Variants in KIF3C observed in about 807,000 individuals in gnomAD.
KIF3C encodes the protein kinesin-like protein KIF3C.
Under a neutral mutation model 67.7 loss-of-function variants are expected in KIF3C, and 12 were observed. The ratio of observed to expected loss-of-function variants is 0.18; its 90% CI spans 0.11 to 0.29. The LOEUF (loss-of-function observed/expected upper bound fraction) is 0.29. Ranked by LOEUF, KIF3C falls within the 10% of genes least tolerant of loss-of-function variation. The probability of loss-of-function intolerance (pLI) is 1.00; values close to 1 mark genes in which losing one functional copy is unlikely to be tolerated. For synonymous variants in KIF3C, 393 were observed against 426.2 expected, an observed-to-expected ratio of 0.92 and a Z score of 0.96; for missense variants, 789 against 1,059.6, an observed-to-expected ratio of 0.74 and a Z score of 3.55.
At chr2:25,934,062 G>C in intron 5 of KIF3C, 1 of 463,420 alleles carries the variant, frequency 2.2e-6, no homozygotes, top group Non-Finnish European at 4.5e-6. Context: ...ACTGATGAGT[G>C]TTCCAACATG....
At chr2:25,935,581 T>C (rs909180442) in intron 5 of KIF3C, among the ~76,000 whole-genome samples, 7 of 152,084 alleles carry the variant, frequency 4.6e-5, no homozygotes, top group Non-Finnish European at 1.0e-4. Context: ...AGGCTGGTTT[T>C]GAACTCCTTG....
At chr2:25,945,609 T>G (rs1663411885) in intron 5 of KIF3C, among the ~76,000 whole-genome samples, 1 of 148,782 alleles carries the variant, frequency 6.7e-6, no homozygotes, top group Non-Finnish European at 1.5e-5. Flanking sequence ...TAAGGCCAGT[T>G]GCATGCAGTG....
chr2:25,939,524 G>A (rs1437786662), intron 5 of KIF3C, among the ~76,000 whole-genome samples: 1 of 152,152 alleles, frequency 6.6e-6, no homozygotes, highest in Admixed American at 6.5e-5. Flanking sequence ...AATTCTCACA[G>A]GTCTGTGAAG....
At chr2:25,953,568 G>C (rs1017832978) in intron 4 of KIF3C, among the ~76,000 whole-genome samples, 1 of 151,648 alleles carries the variant, frequency 6.6e-6, no homozygotes, top group East Asian at 2.0e-4. Context: ...CTCCGTGTTA[G>C]CCAGGATAGT....
chr2:25,946,549 G>C (rs1377518060), intron 5 of KIF3C, among the ~76,000 whole-genome samples: 1 of 152,018 alleles, frequency 6.6e-6, no homozygotes, highest in Admixed American at 6.6e-5. Flanking sequence ...TTAGCTGGGC[G>C]TGGAGGCACA....
At chr2:25,953,647 AC>A (rs1330889282) in intron 4 of KIF3C, among the ~76,000 whole-genome samples, 1 of 147,856 alleles carries the variant, frequency 6.8e-6, no homozygotes, top group African/African-American at 2.5e-5. Context: ...GGCATGAGCC[AC>A]TGCGCCCGGC....
At chr2:25,965,724 A>G (rs1177489577) in intron 1 of KIF3C, among the ~76,000 whole-genome samples, 1 of 151,884 alleles carries the variant, frequency 6.6e-6, no homozygotes, top group Admixed American at 6.6e-5. Flanking sequence ...TACCAAGCAG[A>G]GGACATGAGA....
At chr2:25,966,427 A>T (rs979233180) in intron 1 of KIF3C, among the ~76,000 whole-genome samples, 1 of 152,134 alleles carries the variant, frequency 6.6e-6, no homozygotes, top group Admixed American at 6.5e-5. Context: ...TCTTATATTG[A>T]CTATGTGCTT....
rs1664626196 is a variant in KIF3C, at chr2:25,982,355, G to A, written c.-438C>T. ...GTGGGCTGCCGGTCGTGGGCGGCCG[G>A]GGGTCCCGGGCCTCCCGAGGGCAGA... On this transcript the variant is annotated 5_prime_UTR_variant, in exon 1 of 8. Coordinates refer to ENST00000264712, the MANE Select transcript of KIF3C (RefSeq NM_002254.8). 1 of 399,022 alleles carries A rather than the reference G, an allele frequency of 2.5e-6. No individual in the cohort carries two copies. The highest frequency in any genetic ancestry group is 4.4e-6 in the Non-Finnish European group (1 of 226,380). The allele number at this position is 399,022 out of a possible 1,614,324, so 24.7% of individuals were successfully genotyped here. A position where few individuals can be genotyped will look rare whatever the true frequency, so the allele number is the denominator to read the frequency against.
chr2:25,952,557 ATATATATT>A (rs769762984), intron 4 of KIF3C, among the ~76,000 whole-genome samples: 82 of 125,678 alleles, frequency 6.5e-4, no homozygotes, highest in Middle Eastern at 4.0e-3. Flanking sequence ...GTGTATATAT[ATATATATT>A]TTTTTTTTTT....
intron 1 of KIF3C, among the ~76,000 whole-genome samples, chr2:25,965,563 A>G (rs1664119894): frequency 6.6e-6 from 1 of 151,426 alleles, no homozygotes; most frequent in Admixed American, 6.6e-5. Flanking sequence ...TTCCAGACTC[A>G]AGAGATCCTC....
At chr2:25,951,356 G>A (rs990493685) in intron 5 of KIF3C, 4 of 169,314 alleles carry the variant, frequency 2.4e-5, no homozygotes, top group African/African-American at 9.6e-5. Context: ...TGTGAGCTCG[G>A]ACCATGTCTA....
chr2:25,974,124 C>T (rs557446107), intron 1 of KIF3C, among the ~76,000 whole-genome samples: 132 of 152,250 alleles, frequency 8.7e-4, no homozygotes, highest in South Asian at 1.7e-3. Context: ...GGCTGGAGTG[C>T]AGTGGTGTGA....
intron 5 of KIF3C, among the ~76,000 whole-genome samples, chr2:25,948,846 T>C (rs1663519244): frequency 6.6e-6 from 1 of 152,090 alleles, no homozygotes; most frequent in Non-Finnish European, 1.5e-5. Context: ...GATCATGTGC[T>C]TGAGGCAGTC....
At chr2:25,961,404 A>G (rs753793059) in intron 1 of KIF3C, among the ~76,000 whole-genome samples, 2 of 152,214 alleles carry the variant, frequency 1.3e-5, no homozygotes, top group Admixed American at 6.5e-5. Flanking sequence ...GACACCCCCA[A>G]ATCCTCCTAG....
chr2:25,953,671 TG>T (rs1325796533), intron 4 of KIF3C, among the ~76,000 whole-genome samples: 18 of 127,626 alleles, frequency 1.4e-4, no homozygotes, highest in African/African-American at 3.2e-4. Context: ...TTTTTGTTTT[TG>T]TTTTTTTTTT....
rs1663873546 is a variant in KIF3C, at chr2:25,958,804, G to A, written c.1546-2360C>T. The stretch of plus-strand genomic sequence containing the variant: ...TCCAGCTCCCTGGGGGCCCGGTGCG[G>A]TGGCTAGCGCCTGTAATCCCGGCAC... On this transcript the variant is annotated intron_variant, in intron 1 of 7. Coordinates refer to ENST00000264712, the MANE Select transcript of KIF3C (RefSeq NM_002254.8). The surrounding 1 kb of genome is among the most constrained non-coding windows in gnomAD (Gnocchi z 4.5). Among the ~76,000 whole-genome samples, 1 of 152,062 alleles carries A rather than the reference G, an allele frequency of 6.6e-6. No individual in the cohort carries two copies. Among genetic ancestry groups the A allele is most frequent in the African/African-American group, 2.4e-5 (1 of 41,404 alleles).
intron 1 of KIF3C, among the ~76,000 whole-genome samples, chr2:25,973,625 C>T (rs921192086): frequency 3.3e-5 from 5 of 151,744 alleles, no homozygotes; most frequent in Admixed American, 6.6e-5. Flanking sequence ...GGTATACAAC[C>T]GTGAAATCAT....
intron 3 of KIF3C, among the ~76,000 whole-genome samples, chr2:25,954,973 A>T (rs987481825): frequency 2.0e-5 from 3 of 152,176 alleles, no homozygotes; most frequent in Non-Finnish European, 2.9e-5. Flanking sequence ...GCCCCTGGGC[A>T]GCCACATCAC....
Sources: allele counts gnomAD v4.1 joint callset (sites outside exome capture counted in the v4.1 genomes callset), GRCh38; gene constraint gnomAD v4.1.1; non-coding constraint Gnocchi (gnomAD v3.1); transcripts MANE v1.5; gene names NCBI Gene and HGNC (gene_info 2026-07-23, HGNC 2026-07-21).